PTPRT: variants seen among roughly 807,000 people sequenced by gnomAD.
PTPRT encodes protein tyrosine phosphatase receptor type T, also known as receptor-type tyrosine-protein phosphatase T.
In PTPRT, 56 loss-of-function variants were observed where a neutral mutation model predicts 176.8. The ratio of observed to expected loss-of-function variants is 0.32; its 90% CI spans 0.26 to 0.40. The LOEUF is 0.40. Among genes scored for constraint, PTPRT ranks in the 10% least tolerant of loss-of-function variants. The probability of loss-of-function intolerance (pLI) is 1.00; values close to 1 mark genes in which losing one functional copy is unlikely to be tolerated. For synonymous variants in PTPRT, 783 were observed against 739.0 expected, an observed-to-expected ratio of 1.06 and a Z score of -0.96; for missense variants, 1,540 against 1,908.2, an observed-to-expected ratio of 0.81 and a Z score of 3.60.
At chr20:42,872,072 G>A (rs374870536) in intron 2 of PTPRT, among the ~76,000 whole-genome samples, 1 of 152,090 alleles carries the variant, frequency 6.6e-6, no homozygotes, top group East Asian at 1.9e-4. Context: ...AGTGCAATTT[G>A]GGTTTCTTAA....
At chr20:42,427,144 T>C (rs2059172213) in intron 9 of PTPRT, among the ~76,000 whole-genome samples, 1 of 152,208 alleles carries the variant, frequency 6.6e-6, no homozygotes, top group South Asian at 2.1e-4. Flanking sequence ...TTGAAAGCCA[T>C]TGATTTAGAA....
chr20:42,160,503 G>A (rs1327061607), intron 17 of PTPRT, among the ~76,000 whole-genome samples: 1 of 151,346 alleles, frequency 6.6e-6, no homozygotes, highest in Non-Finnish European at 1.5e-5. Context: ...AGAGGAACGT[G>A]GTGCCCTTTG....
At chr20:42,842,151 C>T (rs1409405896) in intron 2 of PTPRT, among the ~76,000 whole-genome samples, 1 of 152,226 alleles carries the variant, frequency 6.6e-6, no homozygotes, top group Non-Finnish European at 1.5e-5. Context: ...TATTCTCCAA[C>T]AGCAGCCTGG....
At chr20:42,531,232 T>G (rs149668914) in intron 7 of PTPRT, among the ~76,000 whole-genome samples, 1 of 152,218 alleles carries the variant, frequency 6.6e-6, no homozygotes. Flanking sequence ...AATGAGTTAC[T>G]ATTTTGCAAT....
intron 2 of PTPRT, among the ~76,000 whole-genome samples, chr20:42,805,334 G>C (rs1391807852): frequency 6.6e-6 from 1 of 152,144 alleles, no homozygotes; most frequent in Non-Finnish European, 1.5e-5. Context: ...CTGAAGAAGA[G>C]GCTTAATGGG....
intron 1 of PTPRT, among the ~76,000 whole-genome samples, chr20:42,887,955 A>C (rs1040166895): frequency 2.6e-5 from 4 of 152,060 alleles, no homozygotes; most frequent in Admixed American, 6.5e-5. Flanking sequence ...CAAATCGTTC[A>C]CCCCTTCTGC....
chr20:42,364,885 C>T (rs1158177462), intron 9 of PTPRT, among the ~76,000 whole-genome samples: 5 of 152,108 alleles, frequency 3.3e-5, no homozygotes, highest in African/African-American at 1.2e-4. Context: ...TGGTTCTACT[C>T]GAAGGAGGCA....
At chr20:42,497,593 C>A (rs1337048907) in intron 7 of PTPRT, among the ~76,000 whole-genome samples, 3 of 152,090 alleles carry the variant, frequency 2.0e-5, no homozygotes, top group South Asian at 4.1e-4. Context: ...CTTTTCTTGA[C>A]ATTTTTTTAA....
chr20:42,635,406 A>G (rs1376669763), intron 7 of PTPRT, among the ~76,000 whole-genome samples: 1 of 152,192 alleles, frequency 6.6e-6, no homozygotes, highest in Non-Finnish European at 1.5e-5. Context: ...GAAGAAAAAA[A>G]AGAATATAGG....
intron 9 of PTPRT, among the ~76,000 whole-genome samples, chr20:42,405,150 A>T (rs928787158): frequency 6.6e-6 from 1 of 150,804 alleles, no homozygotes; most frequent in Admixed American, 6.6e-5. Flanking sequence ...ATCATCATAC[A>T]TTCTGTTATA....
chr20:42,474,065 C>T (rs966558765), intron 7 of PTPRT, among the ~76,000 whole-genome samples: 3 of 152,096 alleles, frequency 2.0e-5, no homozygotes, highest in Non-Finnish European at 4.4e-5. Flanking sequence ...TTAATAAGCA[C>T]TCTACGTATG....
intron 9 of PTPRT, among the ~76,000 whole-genome samples, chr20:42,437,034 T>C (rs73123356): frequency 0.12 from 17,722 of 152,208 alleles, 1,034 homozygotes; most frequent in Middle Eastern, 0.14. Flanking sequence ...AGGAATTATA[T>C]ACAAGATTTA....
At chr20:42,995,344 G>A (rs1984164156) in intron 1 of PTPRT, among the ~76,000 whole-genome samples, 1 of 152,162 alleles carries the variant, frequency 6.6e-6, no homozygotes, top group Admixed American at 6.5e-5. Flanking sequence ...TTAAGTCAGA[G>A]GGCATATTGA....
At chr20:42,336,989 C>T (rs745828978) in intron 11 of PTPRT, among the ~76,000 whole-genome samples, 2 of 152,070 alleles carry the variant, frequency 1.3e-5, no homozygotes, top group African/African-American at 4.8e-5. Context: ...TAGGGGGCCT[C>T]GCAGCTACTT....
At chr20:42,234,595 CAGTATGTAG>C (rs1196165788) in intron 15 of PTPRT, among the ~76,000 whole-genome samples, 1 of 152,234 alleles carries the variant, frequency 6.6e-6, no homozygotes, top group Non-Finnish European at 1.5e-5. Context: ...TCCTGTACTA[CAGTATGTAG>C]AGGCATCTCT....
At chr20:42,093,765 A>G (rs1984889220) in intron 27 of PTPRT, among the ~76,000 whole-genome samples, 1 of 152,238 alleles carries the variant, frequency 6.6e-6, no homozygotes. Flanking sequence ...ATGAGCACGC[A>G]GGCAGACAGA....
intron 3 of PTPRT, among the ~76,000 whole-genome samples, chr20:42,788,294 T>G (rs1458087584): frequency 6.6e-6 from 1 of 152,048 alleles, no homozygotes; most frequent in Non-Finnish European, 1.5e-5. Flanking sequence ...CTGGCCTGGC[T>G]CACGCAGGAT....
chr20:42,762,280 A>G (rs1456979566), intron 5 of PTPRT, among the ~76,000 whole-genome samples: 2 of 152,190 alleles, frequency 1.3e-5, no homozygotes, highest in African/African-American at 4.8e-5. Flanking sequence ...TTTAATGTGC[A>G]TCAGAATCAC....
chr20:42,657,001 C>T (rs774116713), intron 7 of PTPRT, among the ~76,000 whole-genome samples: 106 of 152,142 alleles, frequency 7.0e-4, no homozygotes, highest in Non-Finnish European at 1.3e-3. Context: ...TCCCATAATC[C>T]CCATGTGTCG....
Sources: allele counts gnomAD v4.1 joint callset (sites outside exome capture counted in the v4.1 genomes callset), GRCh38; gene constraint gnomAD v4.1.1; transcripts MANE v1.5; gene names NCBI Gene and HGNC (gene_info 2026-07-23, HGNC 2026-07-21).